The following GALNT13 variants were observed in gnomAD, a reference collection of about 807,000 sequenced individuals.
The protein encoded by GALNT13 is polypeptide N-acetylgalactosaminyltransferase 13.
In GALNT13, 28 loss-of-function variants were observed where a neutral mutation model predicts 64.2. That is an observed-to-expected ratio of 0.44 (90% CI 0.32 to 0.60). The LOEUF (loss-of-function observed/expected upper bound fraction) is 0.60, where lower values mean the gene tolerates loss of function less well. Among genes scored for constraint, GALNT13 ranks in the 20% least tolerant of loss-of-function variants. The pLI is 0.05. For synonymous variants in GALNT13, 214 were observed against 224.6 expected (o/e 0.95, Z 0.42); for missense variants, 577 against 669.8 (o/e 0.86, Z 1.53).
chr2:153,599,393 C>G, the GALNT13 span, among the ~76,000 whole-genome samples: 1 of 152,024 alleles, frequency 6.6e-6, no homozygotes, highest in Non-Finnish European at 1.5e-5. Flanking sequence ...CCTTCCCTCC[C>G]TGTTTCCTTT....
chr2:153,739,530 A>AT, the GALNT13 span, among the ~76,000 whole-genome samples: 2 of 142,112 alleles, frequency 1.4e-5, no homozygotes, highest in East Asian at 4.0e-4. Flanking sequence ...TTTATTTATT[A>AT]TTTTTTAATG....
chr2:153,616,738 A>G, the GALNT13 span, among the ~76,000 whole-genome samples: 2 of 152,000 alleles, frequency 1.3e-5, no homozygotes, highest in Non-Finnish European at 2.9e-5. Flanking sequence ...CACTGTTGAC[A>G]TATAGAAATT....
the GALNT13 span, among the ~76,000 whole-genome samples, chr2:153,706,489 T>C: frequency 6.6e-6 from 1 of 152,206 alleles, no homozygotes; most frequent in African/African-American, 2.4e-5. Flanking sequence ...TCAAATGACT[T>C]CATTTTAACA....
chr2:153,672,770 GTTT>G, the GALNT13 span, among the ~76,000 whole-genome samples: 5 of 143,246 alleles, frequency 3.5e-5, no homozygotes, highest in Non-Finnish European at 6.1e-5. Context: ...TCCAGGAGGT[GTTT>G]TTTTTTTTTT....
chr2:153,597,732 C>T, the GALNT13 span, among the ~76,000 whole-genome samples: 1 of 151,972 alleles, frequency 6.6e-6, no homozygotes, highest in Non-Finnish European at 1.5e-5. Context: ...ATATGATAAG[C>T]ACCTTGTATC....
chr2:153,474,679 T>G, the GALNT13 span, among the ~76,000 whole-genome samples: 3 of 152,212 alleles, frequency 2.0e-5, no homozygotes, highest in African/African-American at 7.2e-5. Context: ...CAGCCTGAGA[T>G]CCCACTAATC....
At chr2:153,292,598 T>A in the GALNT13 span, among the ~76,000 whole-genome samples, 1 of 152,094 alleles carries the variant, frequency 6.6e-6, no homozygotes, top group Admixed American at 6.6e-5. Flanking sequence ...GGGGGTACAG[T>A]GGCAGCAGAT....
At chr2:154,284,548 C>CACAT (rs1446819047) in intron 8 of GALNT13, among the ~76,000 whole-genome samples, 1 of 151,556 alleles carries the variant, frequency 6.6e-6, no homozygotes, top group Non-Finnish European at 1.5e-5. Context: ...CACACACACA[C>CACAT]ACATATATAT....
chr2:153,262,771 CAAT>C, the GALNT13 span, among the ~76,000 whole-genome samples: 2 of 152,014 alleles, frequency 1.3e-5, no homozygotes, highest in African/African-American at 4.8e-5. Context: ...TAAAAACTCT[CAAT>C]AAACTAGGTA....
At chr2:153,826,029 C>T in the GALNT13 span, among the ~76,000 whole-genome samples, 1 of 152,164 alleles carries the variant, frequency 6.6e-6, no homozygotes. Context: ...TTCTGATACC[C>T]TTCTCTATCC....
chr2:154,212,110 G>A (rs746444626), intron 4 of GALNT13, among the ~76,000 whole-genome samples: 1 of 152,172 alleles, frequency 6.6e-6, no homozygotes, highest in Non-Finnish European at 1.5e-5. Flanking sequence ...AGATTGAATT[G>A]TGTTGGAAAG....
chr2:154,028,871 A>T (rs1028453226), intron 3 of GALNT13, among the ~76,000 whole-genome samples: 1 of 152,094 alleles, frequency 6.6e-6, no homozygotes, highest in African/African-American at 2.4e-5. Context: ...AAGCAAAAAA[A>T]CTAGAAAGTT....
chr2:153,844,100 G>A, the GALNT13 span, among the ~76,000 whole-genome samples: 4 of 152,142 alleles, frequency 2.6e-5, no homozygotes, highest in African/African-American at 9.7e-5. Context: ...ACTAGGCAGT[G>A]CTCCATTGGG....
chr2:154,183,787 TTC>T (rs1298964992), intron 4 of GALNT13, among the ~76,000 whole-genome samples: 1 of 152,186 alleles, frequency 6.6e-6, no homozygotes, highest in Non-Finnish European at 1.5e-5. Context: ...AGTTTCATTT[TTC>T]TTTTGATTGT....
chr2:153,538,323 A>ATTTTTTT, the GALNT13 span, among the ~76,000 whole-genome samples: 1 of 56,304 alleles, frequency 1.8e-5, no homozygotes, highest in Non-Finnish European at 3.1e-5. Context: ...TTTTTTTTTA[A>ATTTTTTT]TTCTTTTTTT....
At chr2:153,770,157 T>C in the GALNT13 span, among the ~76,000 whole-genome samples, 1 of 133,016 alleles carries the variant, frequency 7.5e-6, no homozygotes, top group Non-Finnish European at 1.6e-5. Context: ...ATTTTTAGAG[T>C]TCCCACCCCC....
intron 4 of GALNT13, among the ~76,000 whole-genome samples, chr2:154,166,624 TG>T (rs1188463551): frequency 6.6e-6 from 1 of 152,230 alleles, no homozygotes; most frequent in Non-Finnish European, 1.5e-5. Context: ...ATCCCATTAC[TG>T]GGTATATACC....
intron 3 of GALNT13, among the ~76,000 whole-genome samples, chr2:154,069,813 A>G (rs1165638936): frequency 2.6e-5 from 4 of 152,104 alleles, no homozygotes; most frequent in Admixed American, 6.5e-5. Flanking sequence ...TATTCTTTCC[A>G]TATATACAAA....
chr2:153,816,057 C>T, the GALNT13 span, among the ~76,000 whole-genome samples: 1 of 152,124 alleles, frequency 6.6e-6, no homozygotes, highest in African/African-American at 2.4e-5. Flanking sequence ...GTTCCATGTT[C>T]TGTGAGGTTT....
Sources: allele counts gnomAD v4.1 joint callset (sites outside exome capture counted in the v4.1 genomes callset), GRCh38; gene constraint gnomAD v4.1.1; transcripts MANE v1.5; gene names NCBI Gene and HGNC (gene_info 2026-07-23, HGNC 2026-07-21).